The following SECISBP2L variants were observed in gnomAD, a reference collection of about 807,000 sequenced individuals.
The protein encoded by SECISBP2L is selenocysteine insertion sequence-binding protein 2-like.
SECISBP2L carries 43 observed loss-of-function variants against 114.7 expected under a neutral mutation model. The ratio of observed to expected loss-of-function variants is 0.38; its 90% CI spans 0.29 to 0.48. SECISBP2L has a LOEUF of 0.48. Ranked by LOEUF, SECISBP2L falls within the 20% of genes least tolerant of loss-of-function variation. SECISBP2L has a pLI of 0.98. For synonymous variants in SECISBP2L, 451 were observed against 439.7 expected (o/e 1.03, Z -0.32); for missense variants, 1,136 against 1,301.1 (o/e 0.87, Z 1.95).
chr15:49,036,375 G>A (rs1300413910), intron 2 of SECISBP2L, among the ~76,000 whole-genome samples: 2 of 152,202 alleles, frequency 1.3e-5, no homozygotes, highest in African/African-American at 4.8e-5. Flanking sequence ...GGGAGTTGAA[G>A]CATAGGGCTT....
chr15:49,016,740 G>C (rs1220780346), intron 10 of SECISBP2L, 39 bp from the exon 11 acceptor site: 1 of 1,516,204 alleles, frequency 6.6e-7, no homozygotes, highest in Non-Finnish European at 8.8e-7. Context: ...TTTTGTTATA[G>C]TACGAAACTG....
At chr15:49,044,522 T>C (rs1903203559) in intron 1 of SECISBP2L, among the ~76,000 whole-genome samples, 1 of 152,184 alleles carries the variant, frequency 6.6e-6, no homozygotes, top group African/African-American at 2.4e-5. Flanking sequence ...ATCACTTTTC[T>C]ATATATATTT....
intron 14 of SECISBP2L, among the ~76,000 whole-genome samples, chr15:49,007,276 G>C (rs759525616): frequency 2.0e-5 from 3 of 152,184 alleles, no homozygotes; most frequent in East Asian, 1.9e-4. Flanking sequence ...CAGGGGTCAG[G>C]GACCCACTTG....
intron 16 of SECISBP2L, among the ~76,000 whole-genome samples, chr15:48,997,785 C>G (rs1050577529): frequency 1.3e-5 from 2 of 152,190 alleles, no homozygotes; most frequent in African/African-American, 4.8e-5. Flanking sequence ...AGGAGAATCA[C>G]TTGAAACCGG....
chr15:49,035,768 A>C, intron 2 of SECISBP2L, 110 bp from the exon 3 acceptor site: 1 of 1,026,868 alleles, frequency 9.7e-7, no homozygotes, highest in Non-Finnish European at 1.4e-6. Flanking sequence ...CAGTGGCTTC[A>C]TGATAATTTT....
At chr15:49,028,235 GT>G in intron 5 of SECISBP2L, 67 bp from the exon 6 acceptor site, 1 of 1,385,548 alleles carries the variant, frequency 7.2e-7, no homozygotes, top group Non-Finnish European at 9.8e-7. Context: ...TTTGCTAAAT[GT>G]TTTATAATTT....
intron 14 of SECISBP2L, among the ~76,000 whole-genome samples, chr15:49,008,752 T>A (rs554889815): frequency 6.6e-6 from 1 of 152,292 alleles, no homozygotes; most frequent in African/African-American, 2.4e-5. Flanking sequence ...TATTCTGTGA[T>A]CCCCCCAGTT....
chr15:49,032,872 C>T, intron 4 of SECISBP2L, 93 bp downstream of exon 4: 1 of 1,463,906 alleles, frequency 6.8e-7, no homozygotes, highest in Non-Finnish European at 9.3e-7. Context: ...TGAAAGTCTA[C>T]AATTCTGACA....
At position 49,019,503 on chromosome 15, in the gene SECISBP2L, TTC is replaced by T; in HGVS notation, c.1083_1084del (p.Asn362PhefsTer7). ...CTTATTATCTGGTCTCTTTTGCAAA[TTC>T]TGTCTTCTTTCTGAGGAAGTACTGT... On this transcript the variant is annotated frameshift_variant, in exon 8 of 18. Coordinates refer to ENST00000559471, the MANE Select transcript of SECISBP2L (RefSeq NM_001193489.2). LOFTEE classifies it high-confidence loss of function. 6.6e-7 allele frequency: 1 copy of T among 1,515,854 alleles called. No homozygotes were observed. Among genetic ancestry groups the T allele is most frequent in the Non-Finnish European group, 8.8e-7 (1 of 1,138,686 alleles). 93.9% of individuals were successfully genotyped at this position (1,515,854 alleles called of 1,614,324 possible). A position where few individuals can be genotyped will look rare whatever the true frequency, so the allele number is the denominator to read the frequency against.
chr15:49,028,260 G>C, intron 5 of SECISBP2L, 92 bp from the exon 6 acceptor site: 1 of 1,110,542 alleles, frequency 9.0e-7, no homozygotes, highest in Non-Finnish European at 1.3e-6. Flanking sequence ...CTAGTGTGAA[G>C]CATGCATATC....
At chr15:49,025,189 C>A (rs1428888627) in intron 7 of SECISBP2L, among the ~76,000 whole-genome samples, 1 of 152,138 alleles carries the variant, frequency 6.6e-6, no homozygotes, top group Non-Finnish European at 1.5e-5. Context: ...CACAAGCTTG[C>A]CATAAATGAT....
rs1454244088 is a variant in SECISBP2L at position 48,989,336 on chromosome 15, T to C, written c.*2908A>G. ...AATCAGACAAGTACATATTTGGATATTAATTTCTCAGTATTTAAACTATGT... is the reference window on the plus strand; with the variant it reads ...AATCAGACAAGTACATATTTGGATACTAATTTCTCAGTATTTAAACTATGT... On this transcript the variant is annotated 3_prime_UTR_variant, in exon 18 of 18. Coordinates refer to ENST00000559471, the MANE Select transcript of SECISBP2L (RefSeq NM_001193489.2). 1.3e-5 allele frequency: 2 copies of C among 152,404 alleles called. No individual in the cohort carries two copies. The highest frequency in any genetic ancestry group is 6.6e-5 in the Admixed American group (1 of 15,264). 9.4% of individuals were successfully genotyped at this position (152,404 alleles called of 1,614,324 possible). A position where few individuals can be genotyped will look rare whatever the true frequency, so the allele number is the denominator to read the frequency against.
intron 3 of SECISBP2L, among the ~76,000 whole-genome samples, chr15:49,034,529 C>T (rs1423854309): frequency 6.6e-6 from 1 of 151,836 alleles, no homozygotes; most frequent in African/African-American, 2.4e-5. Flanking sequence ...AAAAGTAAAG[C>T]ACCTCTTAAA....
At chr15:49,028,775 C>T (rs375266564) in intron 4 of SECISBP2L, 93 bp from the exon 5 acceptor site, 24 of 1,056,604 alleles carry the variant, frequency 2.3e-5, no homozygotes, top group South Asian at 4.5e-5. Context: ...AAAATAGATA[C>T]CAAACTTCAT....
rs183062650 is a variant in SECISBP2L at position 49,016,495 on chromosome 15, G to A, written c.1561+65C>T. 12 of 1,485,416 alleles carry A rather than the reference G, an allele frequency of 8.1e-6. 1 individual carries two copies. The highest frequency in any genetic ancestry group is 5.7e-5 in the South Asian group (4 of 70,546). 92.0% of individuals were successfully genotyped at this position (1,485,416 alleles called of 1,614,324 possible). On this transcript the variant is annotated intron_variant, in intron 11 of 17. Transcript: ENST00000559471. ...ACATATATAAAATTTTAAAAATTTCGATTAACAACATCTAACATATATTAG... is the reference window on the plus strand; with the variant it reads ...ACATATATAAAATTTTAAAAATTTCAATTAACAACATCTAACATATATTAG...
At chr15:49,001,453 C>A (rs868039417) in intron 14 of SECISBP2L, among the ~76,000 whole-genome samples, 18 of 135,472 alleles carry the variant, frequency 1.3e-4, no homozygotes, top group African/African-American at 5.2e-4. Context: ...TCTTCCACAT[C>A]GTATTCTTTT....
rs768647046 is a variant in SECISBP2L at position 49,012,742 on chromosome 15, G to A, written c.1637C>T (p.Thr546Ile). Residue 546 changes from threonine to isoleucine, a missense_variant, in exon 12 of 18, where the codon ACA becomes ATA. Thr to Ile is a moderately conservative substitution (Grantham distance 89). Around this residue, in one of 2 missense-constraint regions of SECISBP2L, gnomAD observed 684 missense variants for 848.7 expected, o/e 0.81. Coordinates refer to ENST00000559471, the MANE Select transcript of SECISBP2L (RefSeq NM_001193489.2). ...AGCAATGTCCACAGAATTAAAGGAT[G>A]TCAAACAGGGCTGACTTTTGGTTAA... The part of the protein sequence containing the change: ...KPLTKSQPCL[T>I]SFNSVDIASS... 5 of 1,611,926 alleles carry A rather than the reference G, an allele frequency of 3.1e-6. No homozygotes were observed. In the African/African-American group the frequency reaches 6.7e-5, roughly 22 times the overall value.
intron 16 of SECISBP2L, among the ~76,000 whole-genome samples, chr15:48,998,007 A>G (rs1018793120): frequency 6.6e-6 from 1 of 152,230 alleles, no homozygotes; most frequent in Non-Finnish European, 1.5e-5. Context: ...GTTATGCCAT[A>G]ATTCTATAGC....
At chr15:49,015,537 G>T (rs912745609) in intron 11 of SECISBP2L, among the ~76,000 whole-genome samples, 1 of 152,124 alleles carries the variant, frequency 6.6e-6, no homozygotes, top group Non-Finnish European at 1.5e-5. Context: ...ATTCAATTTT[G>T]CCTCTCAACA....
Sources: gnomAD v4.1 joint callset for allele counts (sites outside exome capture counted in the v4.1 genomes callset) on GRCh38, gnomAD v4.1.1 for gene constraint, gnomAD v4.1.1 regional missense constraint, MANE v1.5 for transcripts, NCBI Gene and HGNC (gene_info 2026-07-23, HGNC 2026-07-21) for gene names.